Variants in IL16 observed in about 807,000 individuals in gnomAD.
IL16 encodes pro-interleukin-16.
IL16 carries 67 observed loss-of-function variants against 110.1 expected under a neutral mutation model. The ratio of observed to expected loss-of-function variants is 0.61; its 90% CI spans 0.50 to 0.75. The LOEUF is 0.75. Ranked by LOEUF, IL16 falls within the 30% of genes least tolerant of loss-of-function variation. The pLI is 0.00. For synonymous variants in IL16, 689 were observed against 662.9 expected (o/e 1.04, Z -0.61); for missense variants, 1,545 against 1,655.0 (o/e 0.93, Z 1.15).
chr15:81,259,987 G>A (rs922130647), intron 3 of IL16, 107 bp downstream of exon 3: 10 of 710,434 alleles, frequency 1.4e-5, no homozygotes, highest in Non-Finnish European at 2.5e-5. Context: ...GAGTAAACTA[G>A]CATTGGAGTC....
At chr15:81,194,967 G>A (rs936543710), upstream of IL16, among the ~76,000 whole-genome samples, 3 of 152,024 alleles carry the variant, frequency 2.0e-5, no homozygotes, top group Non-Finnish European at 2.9e-5. Context: ...CTTCCTCCCC[G>A]TCTCTTCTGG....
In IL16 at chr15:81,292,298, G is replaced by A. The variant is rs189848296; in HGVS notation, c.1421-258G>A. 166 of 521,810 alleles carry A rather than the reference G, an allele frequency of 3.2e-4. 1 individual carries two copies. Among genetic ancestry groups the A allele is most frequent in the East Asian group, 1.2e-3 (35 of 28,088 alleles). 32.3% of individuals were successfully genotyped at this position (521,810 alleles called of 1,614,324 possible). ...CAGCTGGGACACCAAGCCCTTCCTC[G>A]ATGGGTGATCTGGGTGGCATATCTC... is the stretch of plus-strand genomic sequence containing the variant. On this transcript the variant is annotated intron_variant, in intron 11 of 18. Transcript: ENST00000683961.
At chr15:81,221,282 C>T (rs199555707) in intron 1 of IL16, among the ~76,000 whole-genome samples, 2 of 152,090 alleles carry the variant, frequency 1.3e-5, no homozygotes, top group East Asian at 3.9e-4. Flanking sequence ...GTGCTTCCCC[C>T]CCGGAATCCT....
chr15:81,295,387 A>C, intron 12 of IL16: 1 of 1,255,752 alleles, frequency 8.0e-7, no homozygotes, highest in South Asian at 1.3e-5. Flanking sequence ...TGTTGATGAA[A>C]AGACAAAACA....
chr15:81,203,251 T>A (rs1895888842), intron 1 of IL16, among the ~76,000 whole-genome samples: 1 of 151,978 alleles, frequency 6.6e-6, no homozygotes, highest in Non-Finnish European at 1.5e-5. Flanking sequence ...GTTGCAAAAA[T>A]TTTCTCCCAT....
intron 2 of IL16, among the ~76,000 whole-genome samples, chr15:81,251,481 A>G (rs969695341): frequency 5.3e-5 from 8 of 152,188 alleles, no homozygotes; most frequent in African/African-American, 1.2e-4. Context: ...GTCTCCTGTC[A>G]TGACACCTTT....
At chr15:81,296,876 A>G (rs1324004397) in intron 12 of IL16, 52 bp from the exon 13 acceptor site, 1 of 1,513,294 alleles carries the variant, frequency 6.6e-7, no homozygotes. Flanking sequence ...TCGCCTTCTC[A>G]CAGCTTGAGG....
upstream of IL16, among the ~76,000 whole-genome samples, chr15:81,193,903 A>G (rs1895539053): frequency 6.6e-6 from 1 of 152,192 alleles, no homozygotes. Flanking sequence ...GTCAGGTTAC[A>G]TTACTAGTAA....
chr15:81,228,156 G>C (rs1271935640), intron 2 of IL16, among the ~76,000 whole-genome samples: 2 of 152,122 alleles, frequency 1.3e-5, no homozygotes, highest in African/African-American at 4.8e-5. Flanking sequence ...TCCGGGCACA[G>C]GTGAGCACGT....
chr15:81,299,579 G>A lies in IL16; in HGVS notation c.2253G>A (p.Gln751=). ...GCCTGAATGAAGAAGAAGGGACACA[G>A]GGCCACCCAGATGGGACCCCACCAA... ...NASLNEEEGT[Q]GHPDGTPPKL... The change falls in exon 14 of 19, where the codon CAG becomes CAA. Residue 751 remains glutamine, a synonymous_variant. Coordinates refer to ENST00000683961, the MANE Select transcript of IL16 (RefSeq NM_172217.5). The A allele has an allele frequency of 6.2e-7, 1 of 1,614,182 alleles. No individual in the cohort carries two copies. The highest frequency in any genetic ancestry group is 2.2e-5 in the East Asian group (1 of 44,876).
At position 81,292,698 on chromosome 15, in the gene IL16, A is replaced by G; in HGVS notation, c.1563A>G (p.Pro521=). Residue 521 remains proline, a synonymous_variant, in exon 12 of 19, where the codon CCA becomes CCG. Coordinates refer to ENST00000683961, the MANE Select transcript of IL16 (RefSeq NM_172217.5). ...SSDSSYMSGS[P]GGSPGSGSAE... is the part of the protein sequence containing the mutation. ...ACAGCAGCTACATGTCTGGGTCCCC[A>G]GGGGGAAGTCCTGGGAGTGGCAGTG... 3 of 1,614,144 alleles carry G rather than the reference A, an allele frequency of 1.9e-6. No individual in the cohort carries two copies. Among genetic ancestry groups the G allele is most frequent in the Non-Finnish European group, 2.5e-6 (3 of 1,180,006 alleles).
At chr15:81,225,192 C>A in intron 1 of IL16, 107 bp from the exon 2 acceptor site, 1 of 879,932 alleles carries the variant, frequency 1.1e-6, no homozygotes. Flanking sequence ...CCCATCTGTC[C>A]TGCTTCACGG....
At chr15:81,189,587 G>A (rs1158024930) in intron 1 of IL16, among the ~76,000 whole-genome samples, 1 of 152,192 alleles carries the variant, frequency 6.6e-6, no homozygotes, top group Non-Finnish European at 1.5e-5. Context: ...GACCAGTCAA[G>A]TGATTTAATG....
upstream of IL16, among the ~76,000 whole-genome samples, chr15:81,195,623 C>T (rs1311152183): frequency 6.6e-6 from 1 of 152,180 alleles, no homozygotes; most frequent in Non-Finnish European, 1.5e-5. Flanking sequence ...TAGATCTTTG[C>T]AGCCTTGCAT....
chr15:81,235,100 C>T (rs1897136656), intron 2 of IL16, among the ~76,000 whole-genome samples: 1 of 152,146 alleles, frequency 6.6e-6, no homozygotes, highest in African/African-American at 2.4e-5. Context: ...AAACAGCTAC[C>T]CTGGTACCTC....
chr15:81,264,323 G>A (rs750927154), intron 3 of IL16, among the ~76,000 whole-genome samples: 3 of 152,154 alleles, frequency 2.0e-5, no homozygotes, highest in African/African-American at 7.2e-5. Context: ...GGTTTCCCCA[G>A]CCACTCTCTG....
At chr15:81,231,693 A>G (rs1408420249) in intron 2 of IL16, among the ~76,000 whole-genome samples, 1 of 152,112 alleles carries the variant, frequency 6.6e-6, no homozygotes, top group East Asian at 1.9e-4. Context: ...TCATAAAGAT[A>G]TTTCCTCATG....
chr15:81,226,038 C>T (rs559100527), intron 2 of IL16, among the ~76,000 whole-genome samples: 7 of 152,300 alleles, frequency 4.6e-5, no homozygotes, highest in African/African-American at 1.7e-4. Flanking sequence ...CATTATAGAG[C>T]ATACCATAGG....
At chr15:81,272,916 T>TTGTTGG (rs1898706813) in intron 5 of IL16, among the ~76,000 whole-genome samples, 174 bp from the exon 6 acceptor site, 1 of 142,118 alleles carries the variant, frequency 7.0e-6, no homozygotes, top group Admixed American at 6.8e-5. Flanking sequence ...TTTGTTGTTG[T>TTGTTGG]TGTTGGTGTT....
Sources: gnomAD v4.1 joint callset for allele counts (sites outside exome capture counted in the v4.1 genomes callset) on GRCh38, gnomAD v4.1.1 for gene constraint, MANE v1.5 for transcripts, NCBI Gene and HGNC (gene_info 2026-07-23, HGNC 2026-07-21) for gene names.